The following GRID2 variants were observed in gnomAD, a reference collection of about 807,000 sequenced individuals.
GRID2 encodes the protein glutamate receptor ionotropic, delta-2.
GRID2 carries 33 observed loss-of-function variants against 114.8 expected under a neutral mutation model. The ratio of observed to expected loss-of-function variants is 0.29; its 90% confidence interval spans 0.22 to 0.38. GRID2 has a LOEUF of 0.38. Ranked by LOEUF, GRID2 falls within the 10% of genes least tolerant of loss-of-function variation. GRID2 has a pLI of 1.00. For synonymous variants in GRID2, 505 were observed against 449.9 expected (o/e 1.12, Z -1.55); for missense variants, 1,184 against 1,257.7 (o/e 0.94, Z 0.89).
At chr4:92,411,649 G>GTATATATATATATATATATATATA (rs1320090236) in intron 1 of GRID2, among the ~76,000 whole-genome samples, 49 of 94,774 alleles carry the variant, frequency 5.2e-4, no homozygotes, top group Non-Finnish European at 7.4e-4. Context: ...GTGTGTGTGT[G>GTATATATATATATATATATATATA]TGTGTGTATA....
At chr4:92,771,782 T>G (rs1056235307) in intron 2 of GRID2, among the ~76,000 whole-genome samples, 7 of 152,196 alleles carry the variant, frequency 4.6e-5, no homozygotes, top group African/African-American at 1.7e-4. Context: ...CCCAAAATCA[T>G]ATCACTGAGT....
chr4:93,648,242 CTG>C (rs1722285212), intron 14 of GRID2, among the ~76,000 whole-genome samples: 1 of 152,098 alleles, frequency 6.6e-6, no homozygotes, highest in Non-Finnish European at 1.5e-5. Context: ...AGTCTGAAAA[CTG>C]TGGAACGTAT....
chr4:93,435,404 A>T (rs535710083), intron 10 of GRID2, among the ~76,000 whole-genome samples: 107 of 152,216 alleles, frequency 7.0e-4, no homozygotes, highest in African/African-American at 2.6e-3. Flanking sequence ...TTTTGTTCCT[A>T]TTATTTTAAA....
intron 2 of GRID2, among the ~76,000 whole-genome samples, chr4:92,677,533 T>G (rs1225725643): frequency 1.3e-5 from 2 of 152,122 alleles, no homozygotes; most frequent in Non-Finnish European, 2.9e-5. Context: ...AAAAAGTTTT[T>G]CTAATTCATG....
chr4:92,512,594 T>C (rs890830219), intron 1 of GRID2, among the ~76,000 whole-genome samples: 5 of 151,868 alleles, frequency 3.3e-5, no homozygotes, highest in South Asian at 2.1e-4. Context: ...ATTAATATTT[T>C]GGGGTCCTAG....
At chr4:93,706,967 G>T (rs1218594983) in intron 14 of GRID2, among the ~76,000 whole-genome samples, 2 of 152,068 alleles carry the variant, frequency 1.3e-5, no homozygotes, top group Non-Finnish European at 1.5e-5. Context: ...AATATCATAT[G>T]ATTTTTCTCC....
intron 2 of GRID2, among the ~76,000 whole-genome samples, chr4:92,910,506 G>C (rs1025171282): frequency 1.3e-5 from 2 of 152,158 alleles, no homozygotes; most frequent in African/African-American, 4.8e-5. Context: ...TGTAGAGACA[G>C]TAGGCCACTA....
At chr4:93,243,388 G>C (rs1747771122) in intron 8 of GRID2, among the ~76,000 whole-genome samples, 1 of 151,968 alleles carries the variant, frequency 6.6e-6, no homozygotes, top group Non-Finnish European at 1.5e-5. Flanking sequence ...TTGCAATATA[G>C]ATTTACTAGA....
intron 2 of GRID2, among the ~76,000 whole-genome samples, chr4:93,082,297 G>T (rs539137372): frequency 1.3e-5 from 2 of 152,012 alleles, no homozygotes; most frequent in East Asian, 3.9e-4. Flanking sequence ...TCTTTACTTC[G>T]CTATGCAAAA....
chr4:92,702,043 C>T (rs930433796), intron 2 of GRID2, among the ~76,000 whole-genome samples: 2 of 152,062 alleles, frequency 1.3e-5, no homozygotes, highest in African/African-American at 4.8e-5. Flanking sequence ...TCAGGACATC[C>T]TAATGGTGTA....
At chr4:93,565,122 T>C (rs894711603) in intron 13 of GRID2, among the ~76,000 whole-genome samples, 1 of 152,110 alleles carries the variant, frequency 6.6e-6, no homozygotes, top group Non-Finnish European at 1.5e-5. Context: ...TAAAAGATTT[T>C]ATTTCATAAA....
chr4:93,294,712 C>G (rs1201575499), intron 8 of GRID2, among the ~76,000 whole-genome samples: 1 of 152,050 alleles, frequency 6.6e-6, no homozygotes, highest in African/African-American at 2.4e-5. Context: ...GCACGTACCA[C>G]CATGCCCAGG....
chr4:93,423,783 A>G (rs1052529031), intron 10 of GRID2, among the ~76,000 whole-genome samples: 1 of 152,096 alleles, frequency 6.6e-6, no homozygotes, highest in Non-Finnish European at 1.5e-5. Flanking sequence ...CTCTGTTATT[A>G]GGCACATAGA....
At chr4:93,339,606 TG>T (rs1349652144) in intron 8 of GRID2, among the ~76,000 whole-genome samples, 4 of 152,178 alleles carry the variant, frequency 2.6e-5, no homozygotes, top group African/African-American at 9.6e-5. Flanking sequence ...ACCCAGTATG[TG>T]GTACTTTGTT....
chr4:93,335,699 T>C (rs1447064758), intron 8 of GRID2, among the ~76,000 whole-genome samples: 4 of 151,026 alleles, frequency 2.6e-5, no homozygotes, highest in Non-Finnish European at 4.4e-5. Context: ...TCTTTCTTTT[T>C]TTTTTTTGAG....
chr4:92,869,478 A>G (rs1745120102), intron 2 of GRID2, among the ~76,000 whole-genome samples: 1 of 152,198 alleles, frequency 6.6e-6, no homozygotes, highest in Non-Finnish European at 1.5e-5. Context: ...TGGCTCATGT[A>G]TACCTTCTAT....
chr4:92,553,364 G>A (rs758786658), intron 1 of GRID2, among the ~76,000 whole-genome samples: 1 of 152,076 alleles, frequency 6.6e-6, no homozygotes, highest in Non-Finnish European at 1.5e-5. Context: ...GAAGAATGAT[G>A]GTTTAATGTG....
At chr4:93,409,595 A>G (rs927068661) in intron 9 of GRID2, among the ~76,000 whole-genome samples, 1 of 152,210 alleles carries the variant, frequency 6.6e-6, no homozygotes, top group African/African-American at 2.4e-5. Flanking sequence ...AGAAAGCAAC[A>G]GGCACACACA....
chr4:93,402,405 G>A (rs1349863863), intron 9 of GRID2, among the ~76,000 whole-genome samples: 1 of 152,066 alleles, frequency 6.6e-6, no homozygotes, highest in Admixed American at 6.6e-5. Flanking sequence ...AAAGCAGGTA[G>A]CAAAATGAAC....
Sources: allele counts gnomAD v4.1 joint callset (sites outside exome capture counted in the v4.1 genomes callset), GRCh38; gene constraint gnomAD v4.1.1; transcripts MANE v1.5; gene names NCBI Gene and HGNC (gene_info 2026-07-23, HGNC 2026-07-21).